Variants in TRAF3 observed in about 807,000 individuals in gnomAD.
The protein encoded by TRAF3 is TNF receptor associated factor 3.
TRAF3 carries 13 observed loss-of-function variants against 62.3 expected under a neutral mutation model. The ratio of observed to expected loss-of-function variants is 0.21; its 90% confidence interval spans 0.14 to 0.33. The LOEUF (loss-of-function observed/expected upper bound fraction) is 0.33. TRAF3 is among the 10% of genes least tolerant of loss of function. The pLI, the probability that TRAF3 is intolerant of heterozygous loss-of-function variation, is 1.00. For synonymous variants in TRAF3, 269 were observed against 283.4 expected (o/e 0.95, Z 0.51); for missense variants, 440 against 741.8 (o/e 0.59, Z 4.73).
intron 4 of TRAF3, among the ~76,000 whole-genome samples, chr14:102,875,334 A>G (rs1233766814): frequency 6.6e-6 from 1 of 152,214 alleles, no homozygotes; most frequent in Non-Finnish European, 1.5e-5. Flanking sequence ...CAAAGTTAAT[A>G]GAAGATGTTT....
intron 9 of TRAF3, among the ~76,000 whole-genome samples, chr14:102,894,257 G>T (rs1249174002): frequency 6.6e-6 from 1 of 152,130 alleles, no homozygotes; most frequent in Non-Finnish European, 1.5e-5. Flanking sequence ...AACCCGGGAG[G>T]CAGAGGTTGC....
chr14:102,778,095 T>TGCCCGGGCCGGCCGGGGGG (rs1897105901), intron 1 of TRAF3, among the ~76,000 whole-genome samples: 1 of 149,986 alleles, frequency 6.7e-6, no homozygotes, highest in East Asian at 2.0e-4. Context: ...CCGAGCGCGC[T>TGCCCGGGCCGGCCGGGGGG]GCCCGGGCCG....
Position 102,908,667 on chromosome 14 carries a change from C to T in TRAF3, c.*2883C>T. ...GTGCTTGGGGGTGCTGCTTGTTTAC[C>T]ACACATGACCAGACTCCCAGCAGGA... is the stretch of plus-strand genomic sequence containing the variant. On this transcript the variant is annotated 3_prime_UTR_variant, in exon 12 of 12. Transcript: ENST00000392745. The T allele has an allele frequency of 6.6e-6, 1 of 152,602 alleles. No individual in the cohort carries two copies. Among genetic ancestry groups the T allele is most frequent in the Non-Finnish European group, 1.5e-5 (1 of 68,246 alleles). The allele number at this position is 152,602 out of a possible 1,614,324, so 9.5% of individuals were successfully genotyped here. A position where few individuals can be genotyped will look rare whatever the true frequency, so the allele number is the denominator to read the frequency against.
intron 1 of TRAF3, among the ~76,000 whole-genome samples, chr14:102,790,944 C>A (rs1465958299): frequency 2.6e-5 from 4 of 151,526 alleles, no homozygotes; most frequent in East Asian, 1.9e-4. Context: ...GGGATTGATT[C>A]TGTAGATTGC....
intron 1 of TRAF3, among the ~76,000 whole-genome samples, chr14:102,820,684 G>A (rs187080676): frequency 1.7e-3 from 212 of 126,626 alleles, no homozygotes; most frequent in African/African-American, 6.3e-3. Context: ...AGAGCACAGT[G>A]GTGCAATCAC....
chr14:102,825,645 C>T (rs1290100585), intron 1 of TRAF3, among the ~76,000 whole-genome samples: 2 of 152,234 alleles, frequency 1.3e-5, no homozygotes, highest in East Asian at 1.9e-4. Context: ...CGTCACAGGA[C>T]GGACAGATCA....
intron 1 of TRAF3, among the ~76,000 whole-genome samples, chr14:102,821,718 C>G (rs77737297): frequency 5.9e-5 from 9 of 152,284 alleles, no homozygotes; most frequent in Non-Finnish European, 1.3e-4. Context: ...CATGCATAAA[C>G]ATGTCCGTTT....
At position 102,903,783 on chromosome 14, in the gene TRAF3, GCCCCAGACC is replaced by G; in HGVS notation, c.1135+357_1135+365del. 6.2e-6 allele frequency: 3 copies of G among 486,042 alleles called. No homozygotes were observed. The highest frequency in any genetic ancestry group is 1.2e-5 in the Non-Finnish European group (3 of 247,174). The allele number at this position is 486,042 out of a possible 1,614,324, so 30.1% of individuals were successfully genotyped here. A position where few individuals can be genotyped will look rare whatever the true frequency, so the allele number is the denominator to read the frequency against. On this transcript the variant is annotated intron_variant, in intron 11 of 11. Transcript: ENST00000392745. This position sits in a 1 kb window ranked among gnomAD's most constrained non-coding sequence, Gnocchi z 6.4. ...GAGGCCAGGACCTGCTGGTCGGGGC[GCCCCAGACC>G]CCACTCCTAAGGGCCAGGGGGCAGC...
At chr14:102,811,550 G>GT (rs35064640) in intron 1 of TRAF3, among the ~76,000 whole-genome samples, 31,964 of 79,830 alleles carry the variant, frequency 0.4, 5,390 homozygotes, top group Middle Eastern at 0.6. Flanking sequence ...GCTGTAGGCG[G>GT]TTTTTTTTTT....
At chr14:102,887,599 CTT>C (rs931159273) in intron 7 of TRAF3, among the ~76,000 whole-genome samples, 3 of 146,470 alleles carry the variant, frequency 2.0e-5, no homozygotes, top group African/African-American at 2.5e-5. Context: ...GAAATAATTT[CTT>C]TTTTTTTTTT....
intron 1 of TRAF3, among the ~76,000 whole-genome samples, chr14:102,828,062 C>T (rs1437856554): frequency 6.6e-6 from 1 of 152,258 alleles, no homozygotes; most frequent in Non-Finnish European, 1.5e-5. Context: ...CATTCCCACC[C>T]CGCACGGCCA....
rs1900306354 is a variant in TRAF3 at position 102,826,273 on chromosome 14, T to A, written c.-156-4061T>A. Reference sequence around the variant, plus strand: ...TCCTCGTCTGTCTGGTGGAGCCGCCTCACAGAGGAACAAGTGAGTTGTGCG... The same window carrying A: ...TCCTCGTCTGTCTGGTGGAGCCGCCACACAGAGGAACAAGTGAGTTGTGCG... On this transcript the variant is annotated intron_variant, in intron 1 of 11. Transcript: ENST00000392745. This position sits in a 1 kb window ranked among gnomAD's most constrained non-coding sequence, Gnocchi z 4.6. Among the ~76,000 whole-genome samples the A allele has an allele frequency of 6.6e-6, 1 of 152,090 alleles. No individual in the cohort carries two copies. Among genetic ancestry groups the A allele is most frequent in the African/African-American group, 2.4e-5 (1 of 41,406 alleles).
intron 10 of TRAF3, among the ~76,000 whole-genome samples, chr14:102,898,012 T>C (rs1482477310): frequency 6.6e-6 from 1 of 152,268 alleles, no homozygotes; most frequent in Non-Finnish European, 1.5e-5. Context: ...AGATGCTCTC[T>C]GCACATTCAC....
chr14:102,837,656 T>TA (rs1309183125), intron 2 of TRAF3, among the ~76,000 whole-genome samples: 1 of 151,748 alleles, frequency 6.6e-6, no homozygotes, highest in Non-Finnish European at 1.5e-5. Flanking sequence ...AAAAAAAAGA[T>TA]ACTTGGTTTT....
At chr14:102,846,968 T>A (rs896340044) in intron 2 of TRAF3, among the ~76,000 whole-genome samples, 2 of 152,182 alleles carry the variant, frequency 1.3e-5, no homozygotes, top group African/African-American at 4.8e-5. Context: ...ATGTAATAAC[T>A]TCATGAAACG....
intron 1 of TRAF3, among the ~76,000 whole-genome samples, chr14:102,828,039 G>C (rs1473803265): frequency 6.6e-6 from 1 of 152,248 alleles, no homozygotes; most frequent in Non-Finnish European, 1.5e-5. Context: ...AGCGCACAGC[G>C]CACTCGTTTC....
intron 1 of TRAF3, among the ~76,000 whole-genome samples, chr14:102,804,895 A>G (rs1213123226): frequency 1.3e-5 from 2 of 152,176 alleles, no homozygotes; most frequent in Non-Finnish European, 2.9e-5. Flanking sequence ...CAAACTTCTA[A>G]AAATCTTTCT....
At chr14:102,895,721 C>A (rs1889972279) in intron 9 of TRAF3, among the ~76,000 whole-genome samples, 1 of 152,206 alleles carries the variant, frequency 6.6e-6, no homozygotes, top group African/African-American at 2.4e-5. Context: ...TACCCTTGAA[C>A]TTTTCATCTT....
intron 3 of TRAF3, among the ~76,000 whole-genome samples, chr14:102,871,447 G>A (rs529085881): frequency 1.2e-3 from 188 of 152,324 alleles, no homozygotes; most frequent in African/African-American, 4.5e-3. Flanking sequence ...CCCCATATAT[G>A]GTGGGCCACA....
Sources: gnomAD v4.1 joint callset for allele counts (sites outside exome capture counted in the v4.1 genomes callset) on GRCh38, gnomAD v4.1.1 for gene constraint, Gnocchi (gnomAD v3.1) non-coding constraint, MANE v1.5 for transcripts, NCBI Gene and HGNC (gene_info 2026-07-23, HGNC 2026-07-21) for gene names.